The following CCDC141 variants were observed in gnomAD, a reference collection of about 807,000 sequenced individuals.
The protein encoded by CCDC141 is coiled-coil domain containing 141.
CCDC141 carries 168 observed loss-of-function variants against 181.0 expected under a neutral mutation model. The ratio of observed to expected loss-of-function variants is 0.93; its 90% CI spans 0.82 to 1.05. The LOEUF is 1.05. Among genes scored for constraint, CCDC141 ranks in the 50% least tolerant of loss-of-function variants. CCDC141 has a pLI of 0.00. For synonymous variants in CCDC141, 666 were observed against 642.3 expected (o/e 1.04, Z -0.56); for missense variants, 1,902 against 1,788.5 (o/e 1.06, Z -1.14).
At chr2:178,936,268 A>AT (rs1218021576) in intron 6 of CCDC141, among the ~76,000 whole-genome samples, 1 of 151,986 alleles carries the variant, frequency 6.6e-6, no homozygotes, top group African/African-American at 2.4e-5. Flanking sequence ...TCTTGAGTTG[A>AT]TTTTTGCATA....
rs1238492723 is a variant in CCDC141, at chr2:178,982,613, A to C, written c.226-3938T>G. ...GCGCAGGTCAGTGGGTGCACGCACCATGTGCGAACCGAAGCAGAGCGAGGC... is the reference window on the plus strand; with the variant it reads ...GCGCAGGTCAGTGGGTGCACGCACCCTGTGCGAACCGAAGCAGAGCGAGGC... On this transcript the variant is annotated intron_variant, in intron 2 of 23. Transcript: ENST00000443758. Among the ~76,000 whole-genome samples, 3 of 150,762 alleles carry C rather than the reference A, an allele frequency of 2.0e-5. No individual in the cohort carries two copies. The Admixed American group carries it at 2.0e-4, about 10-fold the overall frequency.
chr2:178,988,295 A>C (rs1228474559), intron 2 of CCDC141, among the ~76,000 whole-genome samples: 1 of 135,084 alleles, frequency 7.4e-6, no homozygotes, highest in Non-Finnish European at 1.5e-5. Context: ...CAGGAAGGGG[A>C]ACATCAAACT....
intron 2 of CCDC141, among the ~76,000 whole-genome samples, chr2:178,981,317 A>G (rs568867163): frequency 9.8e-4 from 149 of 152,132 alleles, no homozygotes; most frequent in African/African-American, 3.1e-3. Context: ...CTTACATGGA[A>G]CATACATCAA....
intron 7 of CCDC141, among the ~76,000 whole-genome samples, chr2:178,906,183 T>C (rs191525384): frequency 2.0e-5 from 3 of 152,314 alleles, no homozygotes; most frequent in Admixed American, 6.5e-5. Context: ...AGATATTGTC[T>C]TGAGAGAAGA....
Position 178,867,707 on chromosome 2 carries a change from G to GT in CCDC141, c.2574+318dup, listed in dbSNP as rs1685913212. Among the ~76,000 whole-genome samples, 3 of 152,012 alleles carry GT rather than the reference G, an allele frequency of 2.0e-5. No individual in the cohort carries two copies. The South Asian group carries it at 6.2e-4, about 31-fold the overall frequency. On this transcript the variant is annotated intron_variant, in intron 16 of 23. Coordinates refer to ENST00000443758, the MANE Select transcript of CCDC141 (RefSeq NM_173648.4). ...CAAGTTAAATAAAATTAAAACTTTA[G>GT]TTTTTTAGTTGCATTAGGCACACAT...
intron 16 of CCDC141, among the ~76,000 whole-genome samples, 187 bp from the exon 17 acceptor site, chr2:178,866,103 T>C (rs1311049739): frequency 2.0e-5 from 3 of 152,226 alleles, no homozygotes; most frequent in African/African-American, 4.8e-5. Flanking sequence ...CCCAACATTA[T>C]GGAAAAGACA....
intron 2 of CCDC141, among the ~76,000 whole-genome samples, chr2:179,022,898 C>T (rs559204851): frequency 2.0e-5 from 3 of 148,220 alleles, no homozygotes; most frequent in Admixed American, 1.4e-4. Context: ...ATGAGATCCA[C>T]GGCCTCAGTA....
intron 2 of CCDC141, among the ~76,000 whole-genome samples, chr2:179,023,333 A>C (rs536298504): frequency 2.6e-5 from 4 of 152,300 alleles, no homozygotes; most frequent in East Asian, 1.9e-4. Context: ...CAGAAAGAGG[A>C]TAAGTAACTT....
Position 178,872,090 on chromosome 2 carries a change from C to A in CCDC141, c.2079+43G>T, listed in dbSNP as rs752194852. ...AAGGTTCGCTCATGTTAGCCTGTGT[C>A]GGAATTTCATTCCTTTTCACATCCC... On this transcript the variant is annotated intron_variant, in intron 13 of 23. Coordinates refer to ENST00000443758, the MANE Select transcript of CCDC141 (RefSeq NM_173648.4). 1.9e-6 allele frequency: 3 copies of A among 1,585,014 alleles called. No individual in the cohort carries two copies. The South Asian group carries it at 3.4e-5, about 18-fold the overall frequency.
rs1445199932 is a variant in CCDC141 at position 178,832,694 on chromosome 2, C to G, written c.*1479G>C. The stretch of plus-strand genomic sequence containing the variant: ...ACATTCAGTAACTTTTTAATAACAA[C>G]TTGAATACATTACATTTAAATATTT... On this transcript the variant is annotated 3_prime_UTR_variant, in exon 24 of 24. Transcript: ENST00000443758. 6.6e-6 allele frequency: 1 copy of G among 152,062 alleles called. No individual in the cohort carries two copies. Among genetic ancestry groups the G allele is most frequent in the East Asian group, 1.9e-4 (1 of 5,184 alleles). The allele number at this position is 152,062 out of a possible 1,614,324, so 9.4% of individuals were successfully genotyped here. A position where few individuals can be genotyped will look rare whatever the true frequency, so the allele number is the denominator to read the frequency against.
At chr2:178,843,217 G>A (rs1320639983) in intron 22 of CCDC141, among the ~76,000 whole-genome samples, 1 of 152,190 alleles carries the variant, frequency 6.6e-6, no homozygotes, top group African/African-American at 2.4e-5. Flanking sequence ...TAAAATTCAG[G>A]AGAATTGGGG....
intron 2 of CCDC141, among the ~76,000 whole-genome samples, chr2:178,983,700 G>C (rs1385558107): frequency 6.6e-6 from 1 of 151,560 alleles, no homozygotes; most frequent in South Asian, 2.1e-4. Flanking sequence ...CGATCAACTG[G>C]AAGAAAGGGT....
At chr2:178,869,810 G>C (rs1187504311) in intron 14 of CCDC141, among the ~76,000 whole-genome samples, 1 of 152,176 alleles carries the variant, frequency 6.6e-6, no homozygotes, top group South Asian at 2.1e-4. Context: ...CTTCAAAAGC[G>C]GTCATCCCAT....
intron 2 of CCDC141, 48 bp downstream of exon 2, chr2:179,047,236 T>C (rs1236770707): frequency 1.4e-6 from 2 of 1,468,180 alleles, no homozygotes; most frequent in East Asian, 5.1e-5. Flanking sequence ...AGAAATAGTT[T>C]TTTATGTCTC....
chr2:178,976,166 T>C (rs1048499955), intron 3 of CCDC141, among the ~76,000 whole-genome samples: 2 of 152,190 alleles, frequency 1.3e-5, no homozygotes, highest in East Asian at 3.8e-4. Flanking sequence ...TCTATAGTGG[T>C]AGACAAATAG....
At chr2:179,015,454 A>ACCATATATCTCATATATGTG (rs1559049761) in intron 2 of CCDC141, among the ~76,000 whole-genome samples, 1 of 97,114 alleles carries the variant, frequency 1.0e-5, no homozygotes, top group African/African-American at 3.8e-5. Flanking sequence ...TCATATATGT[A>ACCATATATCTCATATATGTG]CCATATATAT....
chr2:178,892,197 A>G lies in CCDC141; in HGVS notation c.1266-3529T>C, dbSNP rs191370668. ...GCTTTAGCATTTATAGTTACGTTAAACCAAATTTATCATGTGTAGTTTGGC... is the reference window on the plus strand; with the variant it reads ...GCTTTAGCATTTATAGTTACGTTAAGCCAAATTTATCATGTGTAGTTTGGC... On this transcript the variant is annotated intron_variant, in intron 8 of 23. Coordinates refer to ENST00000443758, the MANE Select transcript of CCDC141 (RefSeq NM_173648.4). Among the ~76,000 whole-genome samples, 3 of 149,860 alleles carry G rather than the reference A, an allele frequency of 2.0e-5. No homozygotes were observed. The East Asian group carries it at 5.8e-4, about 29-fold the overall frequency.
the CCDC141 span, among the ~76,000 whole-genome samples, chr2:178,819,431 A>G: frequency 1.3e-5 from 2 of 152,354 alleles, no homozygotes; most frequent in East Asian, 3.9e-4. Flanking sequence ...AAGAAGAACA[A>G]AAATAAGAAA....
At position 178,871,219 on chromosome 2, in the gene CCDC141, A is replaced by G. The variant is rs1565287; in HGVS notation, c.2205+208T>C. On this transcript the variant is annotated intron_variant, in intron 14 of 23. Coordinates refer to ENST00000443758, the MANE Select transcript of CCDC141 (RefSeq NM_173648.4). ...TATAAAAATCTATTTAGGACATTGT[A>G]TAGCCCTAATGCTGGTATATCATCA... Among the ~76,000 whole-genome samples the G allele has an allele frequency of 0.87, 131,712 of 152,214 alleles. 57,007 individuals are homozygous for G. Among genetic ancestry groups the G allele is most frequent in the East Asian group, 0.99 (5,128 of 5,184 alleles).
Sources: allele counts gnomAD v4.1 joint callset (sites outside exome capture counted in the v4.1 genomes callset), GRCh38; gene constraint gnomAD v4.1.1; transcripts MANE v1.5; gene names NCBI Gene and HGNC (gene_info 2026-07-23, HGNC 2026-07-21).